The following STYX variants were observed in gnomAD, a reference collection of about 807,000 sequenced individuals.
STYX encodes serine/threonine/tyrosine interacting protein.
STYX carries 20 observed loss-of-function variants against 42.7 expected under a neutral mutation model. The observed-to-expected ratio is 0.47, with a 90% CI of 0.33 to 0.68. The LOEUF (loss-of-function observed/expected upper bound fraction) is 0.68. Ranked by LOEUF, STYX falls within the 30% of genes least tolerant of loss-of-function variation. The pLI, the probability that STYX is intolerant of heterozygous loss-of-function variation, is 0.02. For missense variants in STYX, 226 were observed against 268.5 expected, an observed-to-expected ratio of 0.84 and a Z score of 1.11; for synonymous variants, 78 against 81.9, an observed-to-expected ratio of 0.95 and a Z score of 0.26.
intron 1 of STYX, among the ~76,000 whole-genome samples, chr14:52,735,965 C>T (rs960322797): frequency 5.3e-5 from 8 of 152,108 alleles, no homozygotes; most frequent in African/African-American, 1.7e-4. Flanking sequence ...GAAATTTAAA[C>T]CCTTGACATT....
At chr14:52,745,124 T>G (rs1436184414) in intron 2 of STYX, among the ~76,000 whole-genome samples, 54 of 36,718 alleles carry the variant, frequency 1.5e-3, no homozygotes, top group Middle Eastern at 0.036. Flanking sequence ...TTTTTTTTTG[T>G]TTTTTTTTTT....
Position 52,772,880 on chromosome 14 carries a change from G to A in STYX, c.*1774G>A, listed in dbSNP as rs1282162557. On this transcript the variant is annotated 3_prime_UTR_variant, in exon 11 of 11. Coordinates refer to ENST00000354586, the MANE Select transcript of STYX (RefSeq NM_145251.4). ...TCGTTGTCGTCCAGTATTCTGCTTT[G>A]TGATTAGGTCTTTTGATGTACAGTG... The A allele has an allele frequency of 6.6e-6, 1 of 151,622 alleles. No individual in the cohort carries two copies. The highest frequency in any genetic ancestry group is 1.5e-5 in the Non-Finnish European group (1 of 67,942). 9.4% of individuals were successfully genotyped at this position (151,622 alleles called of 1,614,324 possible). A position where few individuals can be genotyped will look rare whatever the true frequency, so the allele number is the denominator to read the frequency against.
At chr14:52,746,231 T>G (rs1881391462) in intron 2 of STYX, among the ~76,000 whole-genome samples, 195 bp from the exon 3 acceptor site, 1 of 151,884 alleles carries the variant, frequency 6.6e-6, no homozygotes, top group Non-Finnish European at 1.5e-5. Context: ...GAGTTCCTTA[T>G]CAGCCTGGGC....
At chr14:52,770,789 T>A (rs562659501) in intron 10 of STYX, among the ~76,000 whole-genome samples, 1 of 152,084 alleles carries the variant, frequency 6.6e-6, no homozygotes, top group African/African-American at 2.4e-5. Flanking sequence ...TTTCAAAAAT[T>A]ATTTATTTTA....
intron 8 of STYX, among the ~76,000 whole-genome samples, chr14:52,758,308 CTT>C (rs1421728844): frequency 6.6e-6 from 1 of 152,150 alleles, no homozygotes; most frequent in Admixed American, 6.6e-5. Context: ...TCAGAGTAGT[CTT>C]TCTTATCAAA....
At chr14:52,736,668 G>A (rs1880966369) in intron 1 of STYX, among the ~76,000 whole-genome samples, 3 of 152,144 alleles carry the variant, frequency 2.0e-5, no homozygotes, top group Middle Eastern at 3.4e-3. Flanking sequence ...TATTTAGAAT[G>A]GTGCTTTTTA....
In STYX at chr14:52,738,363, C is replaced by A. The variant is rs149610211; in HGVS notation, c.58-6489C>A. ...TAATATCTTCCATATATATATATAT[C>A]TCAAGAGAGTCTTTCATGTTGTATT... On this transcript the variant is annotated intron_variant, in intron 1 of 10. Coordinates refer to ENST00000354586, the MANE Select transcript of STYX (RefSeq NM_145251.4). 1.9e-4 allele frequency among the ~76,000 whole-genome samples: 29 copies of A among 152,180 alleles called. No individual in the cohort carries two copies. The East Asian group carries it at 4.2e-3, about 22-fold the overall frequency.
intron 9 of STYX, among the ~76,000 whole-genome samples, chr14:52,763,924 T>G (rs1292322920): frequency 6.6e-6 from 1 of 152,238 alleles, no homozygotes; most frequent in Non-Finnish European, 1.5e-5. Flanking sequence ...TTTTCTGTAC[T>G]TAACTATTTG....
At position 52,750,692 on chromosome 14, in the gene STYX, C is replaced by T. The variant is rs977569730; in HGVS notation, c.154C>T (p.Leu52=). 3 of 1,566,110 alleles carry T rather than the reference C, an allele frequency of 1.9e-6. No homozygotes were observed. Among genetic ancestry groups the T allele is most frequent in the African/African-American group, 2.8e-5 (2 of 72,174 alleles). Residue 52 remains leucine, a synonymous_variant, in exon 4 of 11, where the codon CTA becomes TTA. Coordinates refer to ENST00000354586, the MANE Select transcript of STYX (RefSeq NM_145251.4). ...SSAMKSKLPV[L]QKHGITHIIC... ...TTTTTTTTTTATACAGCTACCTGTACTACAGAAACATGGAATAACCCATAT... is the reference window on the plus strand; with the variant it reads ...TTTTTTTTTTATACAGCTACCTGTATTACAGAAACATGGAATAACCCATAT...
At chr14:52,759,815 A>C in intron 9 of STYX, 61 bp downstream of exon 9, 1 of 1,080,366 alleles carries the variant, frequency 9.3e-7, no homozygotes, top group Non-Finnish European at 1.4e-6. Flanking sequence ...TATACATGTA[A>C]TTTAGGTGTA....
intron 4 of STYX, among the ~76,000 whole-genome samples, chr14:52,752,751 A>G (rs1202991235): frequency 2.6e-5 from 4 of 152,080 alleles, no homozygotes; most frequent in Non-Finnish European, 5.9e-5. Context: ...TAATATATGC[A>G]TAGAAAATTT....
chr14:52,753,233 A>C (rs1270820451), intron 4 of STYX, among the ~76,000 whole-genome samples: 1 of 151,452 alleles, frequency 6.6e-6, no homozygotes, highest in Non-Finnish European at 1.5e-5. Context: ...TTGTATTTTT[A>C]GTAGAGACGG....
intron 9 of STYX, among the ~76,000 whole-genome samples, chr14:52,768,375 A>G (rs550592480): frequency 6.6e-6 from 1 of 152,314 alleles, no homozygotes; most frequent in African/African-American, 2.4e-5. Context: ...GTAGCTGGTA[A>G]TCAATTCCTT....
At position 52,734,989 on chromosome 14, in the gene STYX, G is replaced by C. The variant is rs546378676; in HGVS notation, c.57+4458G>C. Among the ~76,000 whole-genome samples the C allele has an allele frequency of 2.7e-3, 414 of 151,850 alleles. 1 individual carries two copies. Among genetic ancestry groups the C allele is most frequent in the Admixed American group, 4.7e-3 (72 of 15,244 alleles). On this transcript the variant is annotated intron_variant, in intron 1 of 10. Transcript: ENST00000354586. ...GGAGAATGGCATGAACCCGGGAGGC[G>C]GAGCTTGCAGTGAGCCGAGATCTAG... is the stretch of plus-strand genomic sequence containing the variant.
At chr14:52,761,888 T>TA (rs1202360758) in intron 9 of STYX, among the ~76,000 whole-genome samples, 5 of 140,476 alleles carry the variant, frequency 3.6e-5, no homozygotes, top group African/African-American at 1.3e-4. Context: ...CTACTAAAAT[T>TA]ACAAAAATTA....
At chr14:52,755,951 T>C (rs1438610386) in intron 4 of STYX, among the ~76,000 whole-genome samples, 1 of 152,208 alleles carries the variant, frequency 6.6e-6, no homozygotes, top group East Asian at 1.9e-4. Flanking sequence ...TCCACTCTAA[T>C]CTAGAGGAAT....
At chr14:52,752,175 CA>C (rs1881640108) in intron 4 of STYX, among the ~76,000 whole-genome samples, 1 of 108,302 alleles carries the variant, frequency 9.2e-6, no homozygotes, top group South Asian at 3.3e-4. Context: ...CAAAACAAAA[CA>C]AAACAAAAAA....
intron 4 of STYX, among the ~76,000 whole-genome samples, chr14:52,751,705 A>G (rs1338435064): frequency 6.6e-6 from 1 of 152,168 alleles, no homozygotes. Context: ...TCTTTATTTT[A>G]ACTTCATTTT....
intron 8 of STYX, among the ~76,000 whole-genome samples, chr14:52,758,842 G>T (rs928946573): frequency 6.6e-6 from 1 of 152,018 alleles, no homozygotes; most frequent in Non-Finnish European, 1.5e-5. Flanking sequence ...CCAAGGTGCT[G>T]GTATTACAGG....
Sources: allele counts gnomAD v4.1 joint callset (sites outside exome capture counted in the v4.1 genomes callset), GRCh38; gene constraint gnomAD v4.1.1; transcripts MANE v1.5; gene names NCBI Gene and HGNC (gene_info 2026-07-23, HGNC 2026-07-21).